Variants in UGT1A10 observed in about 807,000 individuals in gnomAD.
UGT1A10 encodes the protein UDP glucuronosyltransferase family 1 member A10, also known as UDP-glucuronosyltransferase 1A10.
A neutral mutation model predicts 45.8 loss-of-function variants in UGT1A10; 49 were observed. The ratio of observed to expected loss-of-function variants is 1.07; its 90% CI spans 0.85 to 1.36. The LOEUF (loss-of-function observed/expected upper bound fraction) is 1.36. Ranked by LOEUF, UGT1A10 falls within the 40% of genes most tolerant of loss-of-function variation. UGT1A10 has a pLI of 0.00. For missense variants in UGT1A10, 745 were observed against 668.6 expected (o/e 1.11, Z -1.26); for synonymous variants, 284 against 249.7 (o/e 1.14, Z -1.29).
rs138181984 is a variant in UGT1A10, at chr2:233,711,092, G to T, written c.856-55942G>T. On this transcript the variant is annotated intron_variant, in intron 1 of 4. Coordinates refer to ENST00000344644, the MANE Select transcript of UGT1A10 (RefSeq NM_019075.4). Reference sequence around the variant, plus strand: ...TATGCTGATGGCTCCAAGTCTATCTGTGCAGCCCAGACCCCTCCTCATCTC... The same window carrying T: ...TATGCTGATGGCTCCAAGTCTATCTTTGCAGCCCAGACCCCTCCTCATCTC... 8.3e-3 allele frequency among the ~76,000 whole-genome samples: 1,267 copies of T among 152,246 alleles called. 13 individuals carry two copies. The highest frequency in any genetic ancestry group is 0.028 in the African/African-American group (1,149 of 41,524).
chr2:233,637,675 G>C (rs10929252), intron 1 of UGT1A10, among the ~76,000 whole-genome samples: 19,360 of 152,090 alleles, frequency 0.13, 1,311 homozygotes, highest in Non-Finnish European at 0.16. Context: ...TCCGTTTTTT[G>C]TTAATTCTAT....
intron 1 of UGT1A10, chr2:233,693,987 T>A: frequency 1.3e-6 from 2 of 1,542,284 alleles, no homozygotes; most frequent in Non-Finnish European, 1.7e-6. Flanking sequence ...TGGGGGGAAG[T>A]GATACCCGGC....
At chr2:233,676,264 C>A (rs949142906) in intron 1 of UGT1A10, among the ~76,000 whole-genome samples, 1 of 152,176 alleles carries the variant, frequency 6.6e-6, no homozygotes, top group Non-Finnish European at 1.5e-5. Context: ...TGATGAATCA[C>A]CCCTGTGTGC....
chr2:233,688,315 G>A (rs2074887766), intron 1 of UGT1A10, among the ~76,000 whole-genome samples: 3 of 152,154 alleles, frequency 2.0e-5, no homozygotes. Context: ...TCATCAGTTG[G>A]TGGACATTTG....
intron 1 of UGT1A10, among the ~76,000 whole-genome samples, chr2:233,683,944 T>C (rs2074657096): frequency 6.6e-6 from 1 of 152,218 alleles, no homozygotes; most frequent in Non-Finnish European, 1.5e-5. Flanking sequence ...ATTGTTGGTC[T>C]AGCCAGCTTA....
At chr2:233,707,049 C>T (rs1469327934) in intron 1 of UGT1A10, among the ~76,000 whole-genome samples, 2 of 152,080 alleles carry the variant, frequency 1.3e-5, no homozygotes, top group African/African-American at 4.8e-5. Context: ...GGAAGCTGCT[C>T]AGGTGGACAG....
At chr2:233,697,172 T>C (rs1283360164) in intron 1 of UGT1A10, among the ~76,000 whole-genome samples, 1 of 152,110 alleles carries the variant, frequency 6.6e-6, no homozygotes, top group African/African-American at 2.4e-5. Context: ...CTTTTAAAAA[T>C]GGTTGGTAGA....
At chr2:233,689,845 T>C (rs1292880169) in intron 1 of UGT1A10, 2 of 454,206 alleles carry the variant, frequency 4.4e-6, no homozygotes, top group African/African-American at 4.0e-5. Context: ...TCTTGGATAT[T>C]GTTTTAGGCT....
chr2:233,646,439 G>A (rs1023389656), intron 1 of UGT1A10, among the ~76,000 whole-genome samples: 7 of 152,158 alleles, frequency 4.6e-5, no homozygotes, highest in Non-Finnish European at 7.3e-5. Context: ...TTTTCAGGCT[G>A]CAAATTTTCC....
intron 1 of UGT1A10, among the ~76,000 whole-genome samples, chr2:233,708,985 C>T (rs560694521): frequency 3.3e-5 from 5 of 152,228 alleles, no homozygotes; most frequent in South Asian, 2.1e-4. Flanking sequence ...TTTCCTCGGC[C>T]GTGGCATCCT....
chr2:233,665,769 A>T (rs2074064535), intron 1 of UGT1A10, among the ~76,000 whole-genome samples: 1 of 152,226 alleles, frequency 6.6e-6, no homozygotes, highest in East Asian at 1.9e-4. Flanking sequence ...CACACAATAC[A>T]GGAAGTATTT....
At chr2:233,736,386 G>A (rs2078758058) in intron 1 of UGT1A10, among the ~76,000 whole-genome samples, 1 of 152,142 alleles carries the variant, frequency 6.6e-6, no homozygotes, top group South Asian at 2.1e-4. Context: ...CTTCTCTACA[G>A]TGTTTATTCT....
intron 4 of UGT1A10, chr2:233,770,921 G>C (rs759022692): frequency 6.6e-6 from 1 of 152,192 alleles, no homozygotes; most frequent in Non-Finnish European, 1.5e-5. Context: ...GCTTAGTGCT[G>C]ACATCACTTG....
At chr2:233,663,629 T>TACAAAGGGAATCTAGTCCC (rs1269072891) in intron 1 of UGT1A10, among the ~76,000 whole-genome samples, 1 of 152,184 alleles carries the variant, frequency 6.6e-6, no homozygotes, top group Admixed American at 6.5e-5. Flanking sequence ...ATGCTAGTCC[T>TACAAAGGGAATCTAGTCCC]ACAAAGGGAA....
At chr2:233,669,618 A>G (rs2074141210) in intron 1 of UGT1A10, among the ~76,000 whole-genome samples, 1 of 152,196 alleles carries the variant, frequency 6.6e-6, no homozygotes, top group African/African-American at 2.4e-5. Context: ...CCCTTGAAGA[A>G]TGTGAGGATT....
At chr2:233,743,713 A>C in intron 1 of UGT1A10, 1 of 1,367,332 alleles carries the variant, frequency 7.3e-7, no homozygotes, top group Non-Finnish European at 9.8e-7. Flanking sequence ...CCGCCTCGCC[A>C]TAGCGGTCAT....
chr2:233,719,883 T>G (rs871514), intron 1 of UGT1A10, among the ~76,000 whole-genome samples: 1 of 151,918 alleles, frequency 6.6e-6, no homozygotes, highest in Non-Finnish European at 1.5e-5. Context: ...GAGGCACGGA[T>G]GAGGGTCTGT....
At chr2:233,649,858 C>G (rs1484873894) in intron 1 of UGT1A10, among the ~76,000 whole-genome samples, 2 of 152,160 alleles carry the variant, frequency 1.3e-5, no homozygotes, top group African/African-American at 2.4e-5. Flanking sequence ...GACTGGATCA[C>G]TTTCATCTCT....
chr2:233,767,223 A>G (rs1699340574), intron 2 of UGT1A10, 58 bp downstream of exon 2: 3 of 1,610,856 alleles, frequency 1.9e-6, no homozygotes, highest in South Asian at 1.1e-5. Flanking sequence ...CTAATCCCAG[A>G]CTTCCAGCTT....
Sources: gnomAD v4.1 joint callset for allele counts (sites outside exome capture counted in the v4.1 genomes callset) on GRCh38, gnomAD v4.1.1 for gene constraint, MANE v1.5 for transcripts, NCBI Gene and HGNC (gene_info 2026-07-23, HGNC 2026-07-21) for gene names.